Variants in RANBP17 observed in about 807,000 individuals in gnomAD.
RANBP17 encodes ran-binding protein 17.
A neutral mutation model predicts 141.2 loss-of-function variants in RANBP17; 158 were observed. The ratio of observed to expected loss-of-function variants is 1.12; its 90% CI spans 0.98 to 1.28. The LOEUF is 1.28. RANBP17 is among the 50% of genes most tolerant of loss of function. The probability of loss-of-function intolerance (pLI) is 0.00; values close to 1 mark genes in which losing one functional copy is unlikely to be tolerated. For synonymous variants in RANBP17, 430 were observed against 450.0 expected, an observed-to-expected ratio of 0.96 and a Z score of 0.56; for missense variants, 1,438 against 1,290.7, an observed-to-expected ratio of 1.11 and a Z score of -1.75.
intron 11 of RANBP17, 65 bp from the exon 12 acceptor site, chr5:170,924,292 T>C: frequency 1.9e-6 from 2 of 1,041,514 alleles, no homozygotes; most frequent in Non-Finnish European, 2.7e-6. Flanking sequence ...ACATGAAGTT[T>C]ATTTGTGGTG....
At chr5:170,903,006 C>T (rs2127406438) in intron 5 of RANBP17, among the ~76,000 whole-genome samples, 1 of 152,270 alleles carries the variant, frequency 6.6e-6, no homozygotes, top group African/African-American at 2.4e-5. Context: ...GAGATCTGTG[C>T]CTTAGCAGAG....
chr5:170,891,606 C>G (rs1769613428), intron 3 of RANBP17, among the ~76,000 whole-genome samples: 1 of 152,144 alleles, frequency 6.6e-6, no homozygotes. Context: ...CCTCAGGAAA[C>G]TTCCAATTAT....
intron 22 of RANBP17, among the ~76,000 whole-genome samples, chr5:171,222,293 G>C (rs1286946403): frequency 6.6e-6 from 1 of 152,212 alleles, no homozygotes; most frequent in Non-Finnish European, 1.5e-5. Flanking sequence ...AGTTCTACAG[G>C]AAAGATTGTC....
chr5:170,956,694 C>G (rs991689619), intron 13 of RANBP17, among the ~76,000 whole-genome samples: 3 of 151,754 alleles, frequency 2.0e-5, no homozygotes, highest in African/African-American at 7.3e-5. Flanking sequence ...GGGTGATCTG[C>G]CTGCCTTGGC....
At chr5:171,079,182 C>T (rs1002594979) in intron 14 of RANBP17, among the ~76,000 whole-genome samples, 4 of 152,146 alleles carry the variant, frequency 2.6e-5, no homozygotes, top group African/African-American at 9.7e-5. Flanking sequence ...GAAATAACTG[C>T]AGATGTGGTT....
At chr5:170,935,976 A>ACTCAAGCCGCAGCAATGG (rs1367920448) in intron 12 of RANBP17, among the ~76,000 whole-genome samples, 1 of 151,632 alleles carries the variant, frequency 6.6e-6, no homozygotes, top group African/African-American at 2.4e-5. Context: ...TTGCTTACCT[A>ACTCAAGCCGCAGCAATGG]CTCAAGCCGC....
rs1768989200 is a variant in RANBP17, at chr5:171,298,905, C to T, written c.*47C>T. ...CGGAGCAGCCTTTATCAAGAGACTC[C>T]TGAAGGTCTGGGTCTCAGGACAGTG... On this transcript the variant is annotated 3_prime_UTR_variant, in exon 28 of 28. Transcript: ENST00000523189. 1.4e-6 allele frequency: 2 copies of T among 1,455,196 alleles called. No homozygotes were observed. Among genetic ancestry groups the T allele is most frequent in the Non-Finnish European group, 1.9e-6 (2 of 1,036,832 alleles). The allele number at this position is 1,455,196 out of a possible 1,614,324, so 90.1% of individuals were successfully genotyped here. A position where few individuals can be genotyped will look rare whatever the true frequency, so the allele number is the denominator to read the frequency against.
At chr5:170,982,636 C>T (rs2127552892) in intron 14 of RANBP17, among the ~76,000 whole-genome samples, 1 of 151,968 alleles carries the variant, frequency 6.6e-6, no homozygotes, top group East Asian at 1.9e-4. Flanking sequence ...CCAGGAGGTC[C>T]AACATTGGAT....
chr5:170,977,729 A>G (rs1777481961), intron 14 of RANBP17, among the ~76,000 whole-genome samples: 1 of 152,148 alleles, frequency 6.6e-6, no homozygotes, highest in Non-Finnish European at 1.5e-5. Context: ...GCTAAGTCAA[A>G]TAAGCCAGCC....
intron 14 of RANBP17, among the ~76,000 whole-genome samples, chr5:171,135,322 T>G (rs973811782): frequency 1.3e-5 from 2 of 151,882 alleles, no homozygotes; most frequent in Non-Finnish European, 2.9e-5. Flanking sequence ...AGTTATGATT[T>G]CTTATCATTG....
intron 1 of RANBP17, among the ~76,000 whole-genome samples, chr5:170,871,816 A>G (rs1467604549): frequency 6.6e-6 from 1 of 152,182 alleles, no homozygotes. Flanking sequence ...TTTGTCGAAG[A>G]TCAGATGGTT....
chr5:171,284,293 A>G (rs1228892554), intron 25 of RANBP17, among the ~76,000 whole-genome samples: 1 of 151,992 alleles, frequency 6.6e-6, no homozygotes, highest in East Asian at 1.9e-4. Context: ...CTTTGAGGCC[A>G]TGTTCTTTTT....
At chr5:171,188,956 C>T (rs948981003) in intron 18 of RANBP17, among the ~76,000 whole-genome samples, 1 of 152,116 alleles carries the variant, frequency 6.6e-6, no homozygotes, top group Non-Finnish European at 1.5e-5. Context: ...CTGAAATAAA[C>T]ACATATAATT....
chr5:170,958,831 G>A (rs1468046464), intron 13 of RANBP17, among the ~76,000 whole-genome samples: 1 of 151,960 alleles, frequency 6.6e-6, no homozygotes, highest in Non-Finnish European at 1.5e-5. Context: ...TTACACTCAG[G>A]CCACATAATT....
intron 14 of RANBP17, among the ~76,000 whole-genome samples, chr5:171,116,191 G>A (rs912679224): frequency 2.0e-5 from 3 of 151,908 alleles, no homozygotes; most frequent in Admixed American, 1.3e-4. Context: ...GCTAATTTTT[G>A]GAAAATAAAA....
intron 12 of RANBP17, among the ~76,000 whole-genome samples, chr5:170,934,398 A>AT (rs1285375516): frequency 6.6e-6 from 1 of 152,044 alleles, no homozygotes; most frequent in Non-Finnish European, 1.5e-5. Flanking sequence ...TATTTTGCTC[A>AT]TTCGTTGTTG....
rs140166004 is a variant in RANBP17, at chr5:170,886,537, T to G, written c.256+4641T>G. On this transcript the variant is annotated intron_variant, in intron 3 of 27. Transcript: ENST00000523189. ...TAAGTTTTGATAAATTTTAACTTTT[T>G]ATAATAGATTTGTGTATATTTTATG... 2.3e-4 allele frequency among the ~76,000 whole-genome samples: 35 copies of G among 152,332 alleles called. No individual in the cohort carries two copies. The East Asian group carries it at 6.7e-3, about 29-fold the overall frequency.
At chr5:171,180,309 CTA>C (rs1350785212) in intron 16 of RANBP17, among the ~76,000 whole-genome samples, 2 of 152,188 alleles carry the variant, frequency 1.3e-5, no homozygotes, top group African/African-American at 4.8e-5. Flanking sequence ...TGAAAAGACC[CTA>C]TGTTTTAGAG....
intron 14 of RANBP17, among the ~76,000 whole-genome samples, chr5:171,159,628 A>G (rs1759174845): frequency 6.6e-6 from 1 of 152,204 alleles, no homozygotes; most frequent in Non-Finnish European, 1.5e-5. Flanking sequence ...TTAATTTAGT[A>G]AAGAAAATTT....
Sources: gnomAD v4.1 joint callset for allele counts (sites outside exome capture counted in the v4.1 genomes callset) on GRCh38, gnomAD v4.1.1 for gene constraint, MANE v1.5 for transcripts, NCBI Gene and HGNC (gene_info 2026-07-23, HGNC 2026-07-21) for gene names.